The following SLC6A6 variants were observed in gnomAD, a reference collection of about 807,000 sequenced individuals.
SLC6A6 encodes sodium- and chloride-dependent taurine transporter.
A neutral mutation model predicts 68.8 loss-of-function variants in SLC6A6; 16 were observed. The observed-to-expected ratio is 0.23, with a 90% CI of 0.16 to 0.35. The LOEUF is 0.35. SLC6A6 is among the 10% of genes least tolerant of loss of function. The pLI is 1.00. For synonymous variants in SLC6A6, 312 were observed against 315.4 expected, an observed-to-expected ratio of 0.99 and a Z score of 0.12; for missense variants, 474 against 802.8, an observed-to-expected ratio of 0.59 and a Z score of 4.95.
intron 1 of SLC6A6, among the ~76,000 whole-genome samples, chr3:14,406,357 C>T (rs1483369545): frequency 6.6e-6 from 1 of 152,082 alleles, no homozygotes; most frequent in Non-Finnish European, 1.5e-5. Context: ...CTCCTGATGG[C>T]AGCAGGAGTC....
At position 14,416,384 on chromosome 3, in the gene SLC6A6, CCGTCTTCG is replaced by C. The variant is rs142719989; in HGVS notation, c.-53-26_-53-19del. On this transcript the variant is annotated intron_variant, in intron 1 of 14. Coordinates refer to ENST00000622186, the MANE Select transcript of SLC6A6 (RefSeq NM_003043.6). ...CTGCCTCTGACCAGATCTCTTTCTT[CCGTCTTCG>C]CTTCCTCTCTTTGCAATAGATCCAG... 0.01 allele frequency: 4,069 copies of C among 398,686 alleles called. 144 individuals carry two copies. Among genetic ancestry groups the C allele is most frequent in the African/African-American group, 0.075 (3,656 of 48,714 alleles). The allele number at this position is 398,686 out of a possible 1,614,324, so 24.7% of individuals were successfully genotyped here.
intron 9 of SLC6A6, among the ~76,000 whole-genome samples, chr3:14,471,629 C>T (rs1318445613): frequency 3.3e-5 from 5 of 152,226 alleles, no homozygotes; most frequent in Non-Finnish European, 7.3e-5. Flanking sequence ...TTGGCCCAAC[C>T]TTGACCTCAT....
chr3:14,470,158 T>C (rs748752472), intron 9 of SLC6A6, among the ~76,000 whole-genome samples: 4 of 152,288 alleles, frequency 2.6e-5, no homozygotes, highest in South Asian at 4.1e-4. Flanking sequence ...ATACATACAA[T>C]GTATCTTCCT....
chr3:14,405,093 C>T (rs1353572726), intron 1 of SLC6A6, among the ~76,000 whole-genome samples: 1 of 152,220 alleles, frequency 6.6e-6, no homozygotes, highest in Admixed American at 6.5e-5. Context: ...GTTTTGGCCC[C>T]ATGGGGCTTT....
intron 2 of SLC6A6, among the ~76,000 whole-genome samples, chr3:14,426,329 C>T (rs1341346448): frequency 2.6e-5 from 4 of 152,180 alleles, no homozygotes; most frequent in African/African-American, 9.7e-5. Flanking sequence ...GGGTAAGTCC[C>T]CCCCCAGCCA....
chr3:14,439,485 C>T (rs1699933581), intron 2 of SLC6A6, among the ~76,000 whole-genome samples: 1 of 152,252 alleles, frequency 6.6e-6, no homozygotes, highest in Non-Finnish European at 1.5e-5. Context: ...CTGGCTCTGG[C>T]TGTCACCTCT....
At chr3:14,441,645 G>C (rs991764520) in intron 2 of SLC6A6, among the ~76,000 whole-genome samples, 2 of 152,196 alleles carry the variant, frequency 1.3e-5, no homozygotes, top group African/African-American at 4.8e-5. Context: ...TCTGTTCCTC[G>C]AGCACAGCCC....
rs779185771 is a variant in SLC6A6, at chr3:14,445,788, A to G, written c.301A>G (p.Ile101Val). 5 of 1,614,174 alleles carry G rather than the reference A, an allele frequency of 3.1e-6. No individual in the cohort carries two copies. Among genetic ancestry groups the G allele is most frequent in the Non-Finnish European group, 4.2e-6 (5 of 1,179,978 alleles). ...GLPVFFLEII[I>V]GQYTSEGGIT... ...GCCTGTGTTTTTCTTGGAGATCATC[A>G]TAGGCCAGTACACCTCTGAAGGGGG... Residue 101 changes from isoleucine (I) to valine (V), a missense_variant, in exon 4 of 15, where the codon ATA (isoleucine) becomes GTA (valine). Coordinates refer to ENST00000622186, the MANE Select transcript of SLC6A6 (RefSeq NM_003043.6).
At chr3:14,469,133 G>C (rs575325380) in intron 9 of SLC6A6, among the ~76,000 whole-genome samples, 1 of 152,046 alleles carries the variant, frequency 6.6e-6, no homozygotes, top group East Asian at 1.9e-4. Context: ...CCACCTTTCC[G>C]ACCTCTCCAC....
intron 10 of SLC6A6, among the ~76,000 whole-genome samples, chr3:14,476,940 C>G (rs1173581880): frequency 6.6e-6 from 1 of 152,218 alleles, no homozygotes; most frequent in African/African-American, 2.4e-5. Context: ...AGAGAAGATG[C>G]AGAGGTGTGG....
At position 14,477,579 on chromosome 3, in the gene SLC6A6, C is replaced by T. The variant is rs981811044; in HGVS notation, c.1347+237C>T. Among the ~76,000 whole-genome samples the T allele has an allele frequency of 2.0e-5, 3 of 152,258 alleles. No homozygotes were observed. Among genetic ancestry groups the T allele is most frequent in the African/African-American group, 4.8e-5 (2 of 41,468 alleles). ...TTGCTGTGGCAACACTGTGACCACC[C>T]GCTGCCCTCTGTCCTGGGAAGAGGA... On this transcript the variant is annotated intron_variant, in intron 11 of 14. Coordinates refer to ENST00000622186, the MANE Select transcript of SLC6A6 (RefSeq NM_003043.6). The surrounding 1 kb of genome is among the most constrained non-coding windows in gnomAD (Gnocchi z 4.2).
At chr3:14,441,792 G>T (rs1450976491) in intron 2 of SLC6A6, among the ~76,000 whole-genome samples, 1 of 152,258 alleles carries the variant, frequency 6.6e-6, no homozygotes, top group South Asian at 2.1e-4. Flanking sequence ...GCAAAGCCAG[G>T]GTTTGCAGTT....
intron 5 of SLC6A6, among the ~76,000 whole-genome samples, chr3:14,454,390 C>G (rs964067776): frequency 5.3e-5 from 8 of 152,078 alleles, no homozygotes; most frequent in African/African-American, 1.7e-4. Context: ...TCCCTCGGCA[C>G]GACACTCTAC....
chr3:14,416,534 G>A (rs536849391), intron 2 of SLC6A6, 81 bp downstream of exon 2: 26 of 398,308 alleles, frequency 6.5e-5, no homozygotes, highest in African/African-American at 8.2e-5. Flanking sequence ...CAGGAGCTCC[G>A]TGTCTCCCCC....
chr3:14,441,644 C>T (rs567036580), intron 2 of SLC6A6, among the ~76,000 whole-genome samples: 4 of 152,330 alleles, frequency 2.6e-5, no homozygotes, highest in South Asian at 2.1e-4. Context: ...CTCTGTTCCT[C>T]GAGCACAGCC....
intron 11 of SLC6A6, 149 bp from the exon 12 acceptor site, chr3:14,478,317 T>C (rs924581835): frequency 1.7e-5 from 11 of 649,096 alleles, no homozygotes; most frequent in Non-Finnish European, 3.1e-5. Context: ...AAGTTGAGCA[T>C]CTTTTTGTAT....
intron 14 of SLC6A6, among the ~76,000 whole-genome samples, chr3:14,484,257 G>C (rs1360188058): frequency 6.6e-6 from 1 of 152,190 alleles, no homozygotes; most frequent in Non-Finnish European, 1.5e-5. Context: ...TTCCCATGCA[G>C]CTCCTATCTC....
chr3:14,421,335 G>T (rs988279490), intron 2 of SLC6A6, among the ~76,000 whole-genome samples: 2 of 152,230 alleles, frequency 1.3e-5, no homozygotes, highest in African/African-American at 4.8e-5. Flanking sequence ...GAGCTCAGGG[G>T]TCCCGTGAGC....
intron 5 of SLC6A6, among the ~76,000 whole-genome samples, chr3:14,452,310 G>A (rs376950126): frequency 3.9e-5 from 6 of 152,166 alleles, no homozygotes; most frequent in East Asian, 3.9e-4. Flanking sequence ...CAGAAGTAGC[G>A]TGGTCCCAAT....
Sources: gnomAD v4.1 joint callset for allele counts (sites outside exome capture counted in the v4.1 genomes callset) on GRCh38, gnomAD v4.1.1 for gene constraint, Gnocchi (gnomAD v3.1) non-coding constraint, MANE v1.5 for transcripts, NCBI Gene and HGNC (gene_info 2026-07-23, HGNC 2026-07-21) for gene names.